The following USP6NL variants were observed in gnomAD, a reference collection of about 807,000 sequenced individuals.
USP6NL encodes the protein USP6 N-terminal-like protein.
In USP6NL, 26 loss-of-function variants were observed where a neutral mutation model predicts 61.9. The ratio of observed to expected loss-of-function variants is 0.42; its 90% CI spans 0.31 to 0.58. The LOEUF is 0.58. Among genes scored for constraint, USP6NL ranks in the 20% least tolerant of loss-of-function variants. The pLI is 0.16. For missense variants in USP6NL, 1,114 were observed against 1,034.3 expected (o/e 1.08, Z -1.06); for synonymous variants, 432 against 390.1 (o/e 1.11, Z -1.27).
Position 11,462,098 on chromosome 10 carries a change from CATT to C in USP6NL, c.*340_*342del, listed in dbSNP as rs1279230572. 12 of 238,186 alleles carry C rather than the reference CATT, an allele frequency of 5.0e-5. No individual in the cohort carries two copies. Among genetic ancestry groups the C allele is most frequent in the Admixed American group, 4.0e-4 (8 of 20,002 alleles). The allele number at this position is 238,186 out of a possible 1,614,324, so 14.8% of individuals were successfully genotyped here. A position where few individuals can be genotyped will look rare whatever the true frequency, so the allele number is the denominator to read the frequency against. On this transcript the variant is annotated 3_prime_UTR_variant, in exon 15 of 15. Coordinates refer to ENST00000609104, the MANE Select transcript of USP6NL (RefSeq NM_014688.5). ...CTACAGTTTTTTCAGTACTTTGTAA[CATT>C]AGTCAAAATAGAATGAGCCAACAGA...
intron 2 of USP6NL, among the ~76,000 whole-genome samples, chr10:11,529,040 G>C (rs1835537295): frequency 6.6e-6 from 1 of 152,182 alleles, no homozygotes; most frequent in Admixed American, 6.5e-5. Context: ...GGGCAGTGGA[G>C]AGTGCTTACT....
At position 11,602,604 on chromosome 10, in the gene USP6NL, T is replaced by C. The variant is rs1379768772; in HGVS notation, c.-83-4887A>G. Among the ~76,000 whole-genome samples the C allele has an allele frequency of 6.6e-6, 1 of 152,116 alleles. No homozygotes were observed. Among genetic ancestry groups the C allele is most frequent in the Non-Finnish European group, 1.5e-5 (1 of 68,034 alleles). ...GAGATTCACGGTTCATTAGTTCAAA[T>C]ATATGTCAGGGCAGACTCCCAGGTG... On this transcript the variant is annotated intron_variant, in intron 1 of 14. Transcript: ENST00000609104. The surrounding 1 kb of genome is among the most constrained non-coding windows in gnomAD (Gnocchi z 4.8).
In USP6NL at chr10:11,595,252, G is replaced by A. The variant is rs1387473007; in HGVS notation, c.4+2379C>T. ...ATCTAACAGGAACATAAAGGGTGAG[G>A]CACACTGAAGGCACAAGGTCAGCTG... On this transcript the variant is annotated intron_variant, in intron 2 of 14. Transcript: ENST00000609104. This position sits in a 1 kb window ranked among gnomAD's most constrained non-coding sequence, Gnocchi z 5.3. Among the ~76,000 whole-genome samples, 2 of 152,160 alleles carry A rather than the reference G, an allele frequency of 1.3e-5. No homozygotes were observed. The highest frequency in any genetic ancestry group is 3.8e-4 in the East Asian group (2 of 5,202).
At chr10:11,581,148 T>C (rs1837754522) in intron 2 of USP6NL, among the ~76,000 whole-genome samples, 1 of 152,174 alleles carries the variant, frequency 6.6e-6, no homozygotes, top group Non-Finnish European at 1.5e-5. Flanking sequence ...ATAATGAATG[T>C]TCACTATAGA....
At position 11,587,048 on chromosome 10, in the gene USP6NL, C is replaced by A. The variant is rs1837994644; in HGVS notation, c.4+10583G>T. Among the ~76,000 whole-genome samples the A allele has an allele frequency of 6.6e-6, 1 of 152,128 alleles. No homozygotes were observed. The highest frequency in any genetic ancestry group is 2.1e-4 in the South Asian group (1 of 4,828). ...GACTCCCTGGATGTCCCTTTTGGTACTAAGACCGTACTACTGGCTCAATGT... is the reference window on the plus strand; with the variant it reads ...GACTCCCTGGATGTCCCTTTTGGTAATAAGACCGTACTACTGGCTCAATGT... On this transcript the variant is annotated intron_variant, in intron 2 of 14. Coordinates refer to ENST00000609104, the MANE Select transcript of USP6NL (RefSeq NM_014688.5). The surrounding 1 kb of genome is among the most constrained non-coding windows in gnomAD (Gnocchi z 4.5).
Position 11,585,593 on chromosome 10 carries a change from C to T in USP6NL, c.4+12038G>A, listed in dbSNP as rs1420713041. The stretch of plus-strand genomic sequence containing the variant: ...ACGGGAATGGCGCGAACCCGGGATG[C>T]GGAGCTTTCAGTGAGCCGTGATCAA... On this transcript the variant is annotated intron_variant, in intron 2 of 14. Coordinates refer to ENST00000609104, the MANE Select transcript of USP6NL (RefSeq NM_014688.5). The surrounding 1 kb of genome is among the most constrained non-coding windows in gnomAD (Gnocchi z 4.5). Among the ~76,000 whole-genome samples, 4 of 152,002 alleles carry T rather than the reference C, an allele frequency of 2.6e-5. No individual in the cohort carries two copies. The highest frequency in any genetic ancestry group is 5.9e-5 in the Non-Finnish European group (4 of 67,984).
intron 5 of USP6NL, among the ~76,000 whole-genome samples, chr10:11,515,001 A>G (rs976207693): frequency 1.3e-5 from 2 of 152,220 alleles, no homozygotes; most frequent in Non-Finnish European, 2.9e-5. Flanking sequence ...AGTTTATGAT[A>G]TAATACCCTA....
chr10:11,588,195 G>T (rs956544339), intron 2 of USP6NL, among the ~76,000 whole-genome samples: 1 of 152,222 alleles, frequency 6.6e-6, no homozygotes, highest in South Asian at 2.1e-4. Context: ...ATTCCAGATT[G>T]GAGGAGAGTA....
At chr10:11,493,052 T>C in intron 8 of USP6NL, 67 bp downstream of exon 8, 9 of 1,410,614 alleles carry the variant, frequency 6.4e-6, no homozygotes, top group Non-Finnish European at 8.8e-6. Context: ...AAAGGCATTC[T>C]AATTTTAAGT....
At chr10:11,555,433 A>AAAAAAAAAATATATATATATAT (rs1275798295) in intron 2 of USP6NL, among the ~76,000 whole-genome samples, 1 of 49,040 alleles carries the variant, frequency 2.0e-5, no homozygotes, top group African/African-American at 9.4e-5. Context: ...AAAAAAAAAA[A>AAAAAAAAAATATATATATATAT]ATATATATAT....
intron 6 of USP6NL, 42 bp downstream of exon 6, chr10:11,509,553 A>G: frequency 4.2e-6 from 6 of 1,419,182 alleles, no homozygotes; most frequent in Non-Finnish European, 5.7e-6. Context: ...ATCCACATTG[A>G]GTTTATATAG....
intron 2 of USP6NL, among the ~76,000 whole-genome samples, chr10:11,556,919 G>T (rs1836728289): frequency 6.6e-6 from 1 of 152,054 alleles, no homozygotes; most frequent in African/African-American, 2.4e-5. Context: ...CAATTTCAAG[G>T]GTACCAGCCA....
rs1838403447 is a variant in USP6NL, at chr10:11,598,523, T to C, written c.-83-806A>G. Among the ~76,000 whole-genome samples, 1 of 152,204 alleles carries C rather than the reference T, an allele frequency of 6.6e-6. No homozygotes were observed. The highest frequency in any genetic ancestry group is 2.4e-5 in the African/African-American group (1 of 41,458). On this transcript the variant is annotated intron_variant, in intron 1 of 14. Transcript: ENST00000609104. This position sits in a 1 kb window ranked among gnomAD's most constrained non-coding sequence, Gnocchi z 4.7. ...TTAATATAGGTATAAATATTAATGC[T>C]ATATTTAAACATAACCATGGATGCA...
intron 4 of USP6NL, among the ~76,000 whole-genome samples, chr10:11,523,538 G>C (rs1033167554): frequency 6.6e-6 from 1 of 152,176 alleles, no homozygotes; most frequent in Non-Finnish European, 1.5e-5. Context: ...GTGATCACAA[G>C]GGTGTGTTTA....
intron 2 of USP6NL, among the ~76,000 whole-genome samples, chr10:11,547,833 A>G (rs11815317): frequency 0.029 from 4,453 of 152,256 alleles, 162 homozygotes; most frequent in African/African-American, 0.085. Flanking sequence ...GAGCCACTGC[A>G]CCCAGCCAAA....
chr10:11,532,259 CATT>C lies in USP6NL; in HGVS notation c.5-4695_5-4693del, dbSNP rs551680975. The C allele has an allele frequency of 5.9e-4, 931 of 1,577,324 alleles. 7 individuals are homozygous for C. In the Admixed American group the frequency reaches 0.015, roughly 26 times the overall value. ...GAGTAACTTATCTATTCCAAGATTT[CATT>C]ATTATTTTATAGTTCTCGAACACAC... On this transcript the variant is annotated intron_variant, in intron 2 of 14. Coordinates refer to ENST00000609104, the MANE Select transcript of USP6NL (RefSeq NM_014688.5). This position sits in a 1 kb window ranked among gnomAD's most constrained non-coding sequence, Gnocchi z 4.1.
chr10:11,571,990 A>G (rs1837383350), intron 2 of USP6NL, among the ~76,000 whole-genome samples: 1 of 151,258 alleles, frequency 6.6e-6, no homozygotes, highest in Non-Finnish European at 1.5e-5. Flanking sequence ...TATTTAATAT[A>G]TAACTATCTT....
Position 11,581,495 on chromosome 10 carries a change from T to C in USP6NL, c.4+16136A>G, listed in dbSNP as rs1266969648. On this transcript the variant is annotated intron_variant, in intron 2 of 14. Coordinates refer to ENST00000609104, the MANE Select transcript of USP6NL (RefSeq NM_014688.5). ...TTTTTTAACCCACTTTTCAGAAAAC[T>C]TTTTTGGCTTTCCTGGAAATACATT... Among the ~76,000 whole-genome samples, 3 of 152,334 alleles carry C rather than the reference T, an allele frequency of 2.0e-5. No individual in the cohort carries two copies. The East Asian group carries it at 5.8e-4, about 29-fold the overall frequency.
In USP6NL at chr10:11,509,595, C is replaced by CT; in HGVS notation, c.275dup (p.Phe93ValfsTer3). The CT allele has an allele frequency of 1.3e-6, 2 of 1,549,952 alleles. No homozygotes were observed. The highest frequency in any genetic ancestry group is 1.7e-6 in the Non-Finnish European group (2 of 1,146,160). ...ATGGAAAAACATGATTTTAAATTAC[C>CT]TTTTCAGTGTTCTTGTATTTTTCCC... On this transcript the variant is annotated frameshift_variant and splice_region_variant, in exon 6 of 15. Coordinates refer to ENST00000609104, the MANE Select transcript of USP6NL (RefSeq NM_014688.5). LOFTEE classifies it high-confidence loss of function.
Sources: gnomAD v4.1 joint callset for allele counts (sites outside exome capture counted in the v4.1 genomes callset) on GRCh38, gnomAD v4.1.1 for gene constraint, Gnocchi (gnomAD v3.1) non-coding constraint, MANE v1.5 for transcripts, NCBI Gene and HGNC (gene_info 2026-07-23, HGNC 2026-07-21) for gene names.